The following ZNF705G variants were observed in gnomAD, a reference collection of about 807,000 sequenced individuals.
ZNF705G encodes the protein zinc finger protein 705G, also known as putative zinc finger protein 705G.
A neutral mutation model predicts 19.6 loss-of-function variants in ZNF705G; 23 were observed. The observed-to-expected ratio is 1.17, with a 90% confidence interval of 0.84 to 1.66. ZNF705G has a LOEUF of 1.66. Among genes scored for constraint, ZNF705G ranks in the 40% most tolerant of loss-of-function variants. The probability of loss-of-function intolerance (pLI) is 0.00; values close to 1 mark genes in which losing one functional copy is unlikely to be tolerated. For missense variants in ZNF705G, 457 were observed against 354.4 expected (o/e 1.29, Z -2.32); for synonymous variants, 146 against 117.7 (o/e 1.24, Z -1.56).
intron 2 of ZNF705G, among the ~76,000 whole-genome samples, chr8:7,377,953 C>CAA (rs1175739210): frequency 1.3e-4 from 7 of 53,082 alleles, no homozygotes; most frequent in East Asian, 1.1e-3. Context: ...GACACTGTCT[C>CAA]AAAAAAAAAA....
At chr8:7,367,484 G>T (rs1165836723) in intron 2 of ZNF705G, among the ~76,000 whole-genome samples, 1 of 149,424 alleles carries the variant, frequency 6.7e-6, no homozygotes, top group Non-Finnish European at 1.5e-5. Context: ...CACCGGAAAA[G>T]GAAAGAAAGC....
rs1280203640 is a variant in ZNF705G at position 7,356,145 on chromosome 8, A to T, written c.*1831T>A. The T allele has an allele frequency of 6.7e-6, 1 of 149,318 alleles. No individual in the cohort carries two copies. Among genetic ancestry groups the T allele is most frequent in the Non-Finnish European group, 1.5e-5 (1 of 68,024 alleles). 9.2% of individuals were successfully genotyped at this position (149,318 alleles called of 1,614,324 possible). On this transcript the variant is annotated 3_prime_UTR_variant, in exon 7 of 7. Coordinates refer to ENST00000400156, the MANE Select transcript of ZNF705G (RefSeq NM_001164457.3). ...TTCAATTCTGAGGACAAGGCAGAGG[A>T]GGGCCCCTCTGTGAGAACTTTCATT...
rs148158848 is a variant in ZNF705G at position 7,358,285 on chromosome 8, C to A, written c.594G>T (p.Arg198Ser). The A allele has an allele frequency of 1.3e-3, 2,060 of 1,607,444 alleles. 27 individuals are homozygous for A. The East Asian group carries it at 0.034, about 27-fold the overall frequency. Reference protein sequence around the residue: ...RRHKMTHTGERPYACHLCRKA... With the variant: ...RRHKMTHTGESPYACHLCRKA... ...TTCTACATAGATGACATGCATATGG[C>A]CTCTCTCCAGTGTGAGTCATCTTGT... is the stretch of plus-strand genomic sequence containing the variant. Residue 198 changes from arginine to serine, a missense_variant, in exon 7 of 7, where the codon AGG (arginine) becomes AGT (serine). Arg to Ser is a moderately radical substitution (Grantham distance 110, BLOSUM62 -1). Coordinates refer to ENST00000400156, the MANE Select transcript of ZNF705G (RefSeq NM_001164457.3).
chr8:7,359,809 C>T lies in ZNF705G; in HGVS notation c.236-108G>A, dbSNP rs568317914. On this transcript the variant is annotated intron_variant, in intron 5 of 6. Coordinates refer to ENST00000400156, the MANE Select transcript of ZNF705G (RefSeq NM_001164457.3). ...TTCAAAAATTGACACGTAGATGTGG[C>T]AAGTGTGTCAAATGAAGAAACTACT... 2.5e-4 allele frequency: 378 copies of T among 1,510,750 alleles called. 36 individuals are homozygous for T. In the African/African-American group the frequency reaches 5.4e-3, roughly 22 times the overall value. The allele number at this position is 1,510,750 out of a possible 1,614,324, so 93.6% of individuals were successfully genotyped here.
Position 7,360,155 on chromosome 8 carries a change from A to G in ZNF705G, c.235+82T>C, listed in dbSNP as rs1450645062. On this transcript the variant is annotated intron_variant, in intron 5 of 6. Transcript: ENST00000400156. ...TTTTAGAAATTATCACTCATTTAAT[A>G]AAACCACTAATTAATATTCAACTGA... 3.5e-6 allele frequency: 5 copies of G among 1,441,444 alleles called. 1 individual carries two copies. The African/African-American group carries it at 5.0e-5, about 14-fold the overall frequency. The allele number at this position is 1,441,444 out of a possible 1,614,324, so 89.3% of individuals were successfully genotyped here. A position where few individuals can be genotyped will look rare whatever the true frequency, so the allele number is the denominator to read the frequency against.
chr8:7,358,299 G>C lies in ZNF705G; in HGVS notation c.580C>G (p.His194Asp), dbSNP rs201985403. The C allele has an allele frequency of 3.1e-6, 5 of 1,607,754 alleles. No homozygotes were observed. The highest frequency in any genetic ancestry group is 4.2e-6 in the Non-Finnish European group (5 of 1,179,606). The change falls in exon 7 of 7, where the codon CAC becomes GAC. Residue 194 changes from histidine to aspartate, a missense_variant. Coordinates refer to ENST00000400156, the MANE Select transcript of ZNF705G (RefSeq NM_001164457.3). ...CFHLRRHKMT[H>D]TGERPYACHL... ...CATGCATATGGCCTCTCTCCAGTGT[G>C]AGTCATCTTGTGCCGTCTAAGGTGA...
intron 2 of ZNF705G, among the ~76,000 whole-genome samples, chr8:7,364,913 C>T (rs1166060403): frequency 6.7e-6 from 1 of 149,470 alleles, no homozygotes; most frequent in Non-Finnish European, 1.5e-5. Context: ...GCCTACAAAG[C>T]TTCAGTGAAA....
Position 7,369,738 on chromosome 8 carries a change from C to T in ZNF705G, c.-71-6721G>A, listed in dbSNP as rs568161861. ...AACCATAAAAAATTTATGTCCTTTGCACCAACATGGATGCAGCTGGAGGCC... is the reference window on the plus strand; with the variant it reads ...AACCATAAAAAATTTATGTCCTTTGTACCAACATGGATGCAGCTGGAGGCC... On this transcript the variant is annotated intron_variant, in intron 2 of 6. Coordinates refer to ENST00000400156, the MANE Select transcript of ZNF705G (RefSeq NM_001164457.3). 4.3e-4 allele frequency among the ~76,000 whole-genome samples: 65 copies of T among 149,534 alleles called. 11 individuals carry two copies. The highest frequency in any genetic ancestry group is 1.6e-3 in the African/African-American group (64 of 38,948).
intron 2 of ZNF705G, among the ~76,000 whole-genome samples, chr8:7,370,910 G>T (rs1370050107): frequency 8.2e-6 from 1 of 121,402 alleles, no homozygotes; most frequent in Non-Finnish European, 1.7e-5. Flanking sequence ...CATGTTCTTT[G>T]CAGGAACATG....
At position 7,355,916 on chromosome 8, in the gene ZNF705G, T is replaced by C. The variant is rs1169415925; in HGVS notation, c.*2060A>G. On this transcript the variant is annotated 3_prime_UTR_variant, in exon 7 of 7. Transcript: ENST00000400156. ...CTTGACATAAACCCTGGCTGCAGAGTAAAATCAATCACTTGTAGAGATTTT... is the reference window on the plus strand; with the variant it reads ...CTTGACATAAACCCTGGCTGCAGAGCAAAATCAATCACTTGTAGAGATTTT... The C allele has an allele frequency of 2.7e-5, 4 of 149,644 alleles. No homozygotes were observed. The highest frequency in any genetic ancestry group is 4.4e-5 in the Non-Finnish European group (3 of 68,046). 9.3% of individuals were successfully genotyped at this position (149,644 alleles called of 1,614,324 possible).
intron 2 of ZNF705G, among the ~76,000 whole-genome samples, chr8:7,367,557 G>A (rs576340591): frequency 1.3e-5 from 2 of 149,622 alleles, no homozygotes; most frequent in South Asian, 4.2e-4. Flanking sequence ...AAAGGGTAAG[G>A]AAAGCACTGT....
At chr8:7,383,754 A>G (rs1395546523) in intron 1 of ZNF705G, among the ~76,000 whole-genome samples, 5 of 149,352 alleles carry the variant, frequency 3.3e-5, no homozygotes, top group African/African-American at 5.2e-5. Context: ...CTTTCACCAC[A>G]TAACAACACA....
chr8:7,367,463 G>T (rs555672164), intron 2 of ZNF705G, among the ~76,000 whole-genome samples: 1 of 149,512 alleles, frequency 6.7e-6, no homozygotes, highest in African/African-American at 2.6e-5. Context: ...TAATCTTCCG[G>T]GGGCACGCTC....
At position 7,357,802 on chromosome 8, in the gene ZNF705G, A is replaced by T; in HGVS notation, c.*174T>A. On this transcript the variant is annotated 3_prime_UTR_variant, in exon 7 of 7. Coordinates refer to ENST00000400156, the MANE Select transcript of ZNF705G (RefSeq NM_001164457.3). ...AGCTGAAGTCTCTTCCACATTCCTT[A>T]CCTTTGTCATTCCTAACACCGTGTC... 1 of 1,020,762 alleles carries T rather than the reference A, an allele frequency of 9.8e-7. No homozygotes were observed. Among genetic ancestry groups the T allele is most frequent in the Non-Finnish European group, 1.4e-6 (1 of 728,220 alleles). 63.2% of individuals were successfully genotyped at this position (1,020,762 alleles called of 1,614,324 possible).
intron 2 of ZNF705G, among the ~76,000 whole-genome samples, chr8:7,366,745 G>A (rs1232901613): frequency 2.0e-5 from 3 of 149,514 alleles, no homozygotes; most frequent in African/African-American, 7.7e-5. Flanking sequence ...TCTGAGAAAG[G>A]AGATGAATAT....
chr8:7,382,925 G>C (rs1326454350), intron 1 of ZNF705G, among the ~76,000 whole-genome samples: 1 of 147,242 alleles, frequency 6.8e-6, no homozygotes, highest in Non-Finnish European at 1.5e-5. Context: ...AGGTAGTTTT[G>C]TATTCCTAGC....
At chr8:7,359,145 C>G (rs868261214) in intron 6 of ZNF705G, among the ~76,000 whole-genome samples, 1 of 149,562 alleles carries the variant, frequency 6.7e-6, no homozygotes, top group Non-Finnish European at 1.5e-5. Flanking sequence ...AATATCCCAC[C>G]CTTTCCCCTT....
Position 7,367,679 on chromosome 8 carries a change from C to T in ZNF705G, c.-71-4662G>A, listed in dbSNP as rs1161696023. On this transcript the variant is annotated intron_variant, in intron 2 of 6. Transcript: ENST00000400156. ...TTTCTTGGACCTTCAGGCATCTGCT[C>T]GGGTCTCTTCCAAGAGAATTTTCCT... is the stretch of plus-strand genomic sequence containing the variant. 2.7e-5 allele frequency among the ~76,000 whole-genome samples: 4 copies of T among 149,582 alleles called. 1 individual carries two copies. The highest frequency in any genetic ancestry group is 7.7e-5 in the African/African-American group (3 of 38,988).
At position 7,355,832 on chromosome 8, in the gene ZNF705G, G is replaced by C. The variant is rs147349140; in HGVS notation, c.*2144C>G. On this transcript the variant is annotated 3_prime_UTR_variant, in exon 7 of 7. Coordinates refer to ENST00000400156, the MANE Select transcript of ZNF705G (RefSeq NM_001164457.3). ...ATGATATGAGCTCTGCCTGGACACA[G>C]TCCTTGCCTCTCCAACCAGTTTGCC... is the stretch of plus-strand genomic sequence containing the variant. The C allele has an allele frequency of 1.3e-5, 2 of 149,564 alleles. No individual in the cohort carries two copies. Among genetic ancestry groups the C allele is most frequent in the Non-Finnish European group, 2.9e-5 (2 of 68,014 alleles). The allele number at this position is 149,564 out of a possible 1,614,324, so 9.3% of individuals were successfully genotyped here.
Sources: allele counts gnomAD v4.1 joint callset (sites outside exome capture counted in the v4.1 genomes callset), GRCh38; gene constraint gnomAD v4.1.1; transcripts MANE v1.5; gene names NCBI Gene and HGNC (gene_info 2026-07-23, HGNC 2026-07-21).